The following KIAA1217 variants were observed in gnomAD, a reference collection of about 807,000 sequenced individuals.
KIAA1217 encodes the protein KIAA1217, also known as sickle tail protein homolog.
A neutral mutation model predicts 163.9 loss-of-function variants in KIAA1217; 88 were observed. The observed-to-expected ratio is 0.54, with a 90% CI of 0.45 to 0.64. KIAA1217 has a LOEUF of 0.64. Among genes scored for constraint, KIAA1217 ranks in the 30% least tolerant of loss-of-function variants. The probability of loss-of-function intolerance (pLI) is 0.00; values close to 1 mark genes in which losing one functional copy is unlikely to be tolerated. For synonymous variants in KIAA1217, 903 were observed against 923.1 expected (o/e 0.98, Z 0.39); for missense variants, 2,372 against 2,475.0 (o/e 0.96, Z 0.88).
At position 23,695,207 on chromosome 10, in the gene KIAA1217, G is replaced by C. The variant is rs960929344; in HGVS notation, c.-348G>C. On this transcript the variant is annotated 5_prime_UTR_variant, in exon 1 of 19. Transcript: ENST00000376462. The surrounding 1 kb of genome is among the most constrained non-coding windows in gnomAD (Gnocchi z 4.9). ...AGCTGCCAGTGGGAGAGCGAGGAGAGGCGAGGGGGCGGCAGCCTCGGCCCG... is the reference window on the plus strand; with the variant it reads ...AGCTGCCAGTGGGAGAGCGAGGAGACGCGAGGGGGCGGCAGCCTCGGCCCG... 1.3e-5 allele frequency: 2 copies of C among 152,648 alleles called. No homozygotes were observed. The highest frequency in any genetic ancestry group is 2.4e-5 in the African/African-American group (1 of 41,474). The allele number at this position is 152,648 out of a possible 1,614,324, so 9.5% of individuals were successfully genotyped here. A position where few individuals can be genotyped will look rare whatever the true frequency, so the allele number is the denominator to read the frequency against.
At chr10:23,932,015 C>T (rs1843272778) in intron 1 of KIAA1217, among the ~76,000 whole-genome samples, 1 of 152,108 alleles carries the variant, frequency 6.6e-6, no homozygotes, top group Non-Finnish European at 1.5e-5. Context: ...AATGAAACAA[C>T]CAGAGCAGCC....
chr10:24,239,697 T>TTGTGTGTGTG (rs371741568), intron 2 of KIAA1217, among the ~76,000 whole-genome samples: 8 of 81,030 alleles, frequency 9.9e-5, no homozygotes, highest in African/African-American at 3.0e-4. Context: ...GTGTGTGTGT[T>TTGTGTGTGTG]TGTGTGTGTG....
At chr10:24,198,322 A>C (rs977519352) in intron 2 of KIAA1217, among the ~76,000 whole-genome samples, 1 of 152,166 alleles carries the variant, frequency 6.6e-6, no homozygotes, top group African/African-American at 2.4e-5. Flanking sequence ...AATGTTTGGG[A>C]TACTGGGTGG....
chr10:23,943,682 A>G, intron 1 of KIAA1217, among the ~76,000 whole-genome samples: 1 of 152,242 alleles, frequency 6.6e-6, no homozygotes, highest in South Asian at 2.1e-4. Flanking sequence ...AACATCTTGA[A>G]GAACAAAATT....
intron 2 of KIAA1217, among the ~76,000 whole-genome samples, chr10:24,166,256 C>T (rs144201055): frequency 3.3e-5 from 5 of 151,774 alleles, no homozygotes; most frequent in African/African-American, 7.2e-5. Context: ...TCTGAGTGGG[C>T]GTACAACCTA....
At chr10:23,821,118 T>C (rs1459420024) in intron 1 of KIAA1217, among the ~76,000 whole-genome samples, 3 of 151,652 alleles carry the variant, frequency 2.0e-5, no homozygotes, top group Non-Finnish European at 4.4e-5. Context: ...TGTGTGTGTG[T>C]GTGTGTGTGT....
chr10:23,699,862 G>A (rs911787758), intron 1 of KIAA1217, among the ~76,000 whole-genome samples: 19 of 152,214 alleles, frequency 1.2e-4, no homozygotes, highest in South Asian at 6.2e-4. Context: ...CCTCCAGATC[G>A]TAAGTTTTAA....
intron 9 of KIAA1217, among the ~76,000 whole-genome samples, chr10:24,509,352 G>A (rs946425510): frequency 3.9e-5 from 6 of 152,108 alleles, no homozygotes; most frequent in East Asian, 1.9e-4. Flanking sequence ...CGTGCCAGCC[G>A]GTGAGCTATG....
intron 2 of KIAA1217, among the ~76,000 whole-genome samples, chr10:24,028,772 A>G (rs1356764873): frequency 6.6e-6 from 1 of 152,174 alleles, no homozygotes; most frequent in African/African-American, 2.4e-5. Flanking sequence ...TTTCAAAATC[A>G]TCTGAGGAGT....
intron 2 of KIAA1217, among the ~76,000 whole-genome samples, chr10:24,328,350 G>A (rs1043465686): frequency 6.6e-6 from 1 of 151,964 alleles, no homozygotes; most frequent in African/African-American, 2.4e-5. Context: ...ATGGGTGAGG[G>A]GTCTGACAAT....
At chr10:23,875,513 G>A (rs574870775) in intron 1 of KIAA1217, among the ~76,000 whole-genome samples, 10 of 151,946 alleles carry the variant, frequency 6.6e-5, no homozygotes, top group Non-Finnish European at 1.0e-4. Context: ...TATATGGTAC[G>A]GTAGTGGATA....
chr10:23,732,085 G>T (rs1417724247), intron 1 of KIAA1217, among the ~76,000 whole-genome samples: 1 of 151,928 alleles, frequency 6.6e-6, no homozygotes, highest in African/African-American at 2.4e-5. Flanking sequence ...TTGGTATTAG[G>T]ATAATATTGG....
chr10:23,741,416 A>G (rs1431765781), intron 1 of KIAA1217, among the ~76,000 whole-genome samples: 9 of 152,136 alleles, frequency 5.9e-5, no homozygotes, highest in Non-Finnish European at 1.5e-5. Flanking sequence ...GCCTTTTGAA[A>G]TTGGCTATTT....
At chr10:24,485,089 CTTTTT>C (rs71506835) in intron 6 of KIAA1217, among the ~76,000 whole-genome samples, 29,384 of 140,880 alleles carry the variant, frequency 0.21, 3,088 homozygotes, top group South Asian at 0.39. Flanking sequence ...GACCTGCCCG[CTTTTT>C]TTTTTTTTTT....
At position 23,742,131 on chromosome 10, in the gene KIAA1217, A is replaced by G. The variant is rs77249899; in HGVS notation, c.-321+46897A>G. 7.6e-3 allele frequency among the ~76,000 whole-genome samples: 1,162 copies of G among 152,320 alleles called. 16 individuals carry two copies. Among genetic ancestry groups the G allele is most frequent in the African/African-American group, 0.027 (1,104 of 41,572 alleles). On this transcript the variant is annotated intron_variant, in intron 1 of 18. Coordinates refer to the KIAA1217 transcript ENST00000376462. ...GGAAGTCATCGTAGAGCTGGAGATC[A>G]AGCTGATGGGAGTTGTTGGTGGAGT...
chr10:24,541,915 C>A (rs2075154377), intron 17 of KIAA1217, among the ~76,000 whole-genome samples: 1 of 152,104 alleles, frequency 6.6e-6, no homozygotes, highest in Non-Finnish European at 1.5e-5. Context: ...GGATATGAAC[C>A]AAGGTTCTAT....
chr10:23,776,455 A>T (rs1326721073), intron 1 of KIAA1217, among the ~76,000 whole-genome samples: 1 of 151,496 alleles, frequency 6.6e-6, no homozygotes, highest in African/African-American at 2.4e-5. Context: ...TATTCATAAT[A>T]TTCTCCTATG....
intron 2 of KIAA1217, among the ~76,000 whole-genome samples, chr10:24,337,668 G>A (rs1387515818): frequency 1.8e-5 from 2 of 113,294 alleles, no homozygotes; most frequent in South Asian, 2.9e-4. Flanking sequence ...TTTTTGAGAC[G>A]AGTCTCATAC....
At chr10:23,726,705 A>G (rs892456080) in intron 1 of KIAA1217, among the ~76,000 whole-genome samples, 53 of 152,240 alleles carry the variant, frequency 3.5e-4, no homozygotes, top group African/African-American at 1.2e-3. Context: ...ATTTACAAGA[A>G]AAAAACAAAC....
Sources: gnomAD v4.1 joint callset for allele counts (sites outside exome capture counted in the v4.1 genomes callset) on GRCh38, gnomAD v4.1.1 for gene constraint, Gnocchi (gnomAD v3.1) non-coding constraint, MANE v1.5 for transcripts, NCBI Gene and HGNC (gene_info 2026-07-23, HGNC 2026-07-21) for gene names.